Variants in RARB observed in about 807,000 individuals in gnomAD.
RARB encodes the protein HBV-activated protein.
A neutral mutation model predicts 51.9 loss-of-function variants in RARB; 17 were observed. That is an observed-to-expected ratio of 0.33 (90% CI 0.22 to 0.49). RARB has a LOEUF of 0.49. RARB is among the 20% of genes least tolerant of loss of function. The probability of loss-of-function intolerance (pLI) is 0.99; values close to 1 mark genes in which losing one functional copy is unlikely to be tolerated. For synonymous variants in RARB, 215 were observed against 195.4 expected (o/e 1.10, Z -0.84); for missense variants, 369 against 550.8 (o/e 0.67, Z 3.30).
In RARB at chr3:25,315,683, A is replaced by T. The variant is rs1704404504; in HGVS notation, c.178+141108A>T. ...GGCTGGAGTACAGTGCCGCAGTCTC[A>T]GCTCACTGCAACCTCTGCTTCCCGG... On this transcript the variant is annotated intron_variant, in intron 5 of 11. Coordinates refer to the RARB transcript ENST00000383772. Among the ~76,000 whole-genome samples, 2 of 152,128 alleles carry T rather than the reference A, an allele frequency of 1.3e-5. 1 individual carries two copies. Among genetic ancestry groups the T allele is most frequent in the South Asian group, 4.1e-4 (2 of 4,828 alleles).
At chr3:24,935,807 G>A (rs958350773) in intron 2 of RARB, among the ~76,000 whole-genome samples, 5 of 152,130 alleles carry the variant, frequency 3.3e-5, no homozygotes, top group African/African-American at 1.2e-4. Flanking sequence ...TAACTGAATT[G>A]CAACAACATG....
intron 2 of RARB, among the ~76,000 whole-genome samples, chr3:25,480,761 T>G (rs528683242): frequency 2.6e-5 from 4 of 152,182 alleles, no homozygotes; most frequent in Non-Finnish European, 5.9e-5. Context: ...GGCAGGTAAG[T>G]AAATAATGCA....
At position 25,429,095 on chromosome 3, in the gene RARB, C is replaced by T. The variant is rs78541681; in HGVS notation, c.157+207C>T. Among the ~76,000 whole-genome samples the T allele has an allele frequency of 0.028, 4,245 of 152,144 alleles. 183 individuals are homozygous for T. The highest frequency in any genetic ancestry group is 0.096 in the African/African-American group (3,972 of 41,476). ...TGTTTTCTTCCCAAATAACCCCTCC[C>T]GCCCCCATGCTCCTCTCCTTACCAA... is the stretch of plus-strand genomic sequence containing the variant. On this transcript the variant is annotated intron_variant, in intron 1 of 7. Transcript: ENST00000330688.
intron 3 of RARB, among the ~76,000 whole-genome samples, chr3:25,524,726 T>A (rs1200603751): frequency 6.6e-6 from 1 of 151,926 alleles, no homozygotes; most frequent in Non-Finnish European, 1.5e-5. Context: ...TATTTTTCTT[T>A]TTTATCATTA....
At chr3:25,539,061 G>A (rs180786833) in intron 3 of RARB, among the ~76,000 whole-genome samples, 3 of 152,282 alleles carry the variant, frequency 2.0e-5, no homozygotes, top group East Asian at 3.9e-4. Flanking sequence ...ACAGACAACC[G>A]TTAATGACAT....
intron 2 of RARB, among the ~76,000 whole-genome samples, chr3:24,976,942 G>A (rs978683784): frequency 1.3e-5 from 2 of 152,190 alleles, no homozygotes; most frequent in Non-Finnish European, 2.9e-5. Context: ...TTTGTGTAAG[G>A]TGTAAGTAAG....
intron 5 of RARB, among the ~76,000 whole-genome samples, chr3:25,343,354 T>TA (rs1467661986): frequency 2.6e-5 from 4 of 152,142 alleles, no homozygotes; most frequent in Admixed American, 6.6e-5. Context: ...ATTAAACACT[T>TA]ACAGTTTTCT....
intron 1 of RARB, among the ~76,000 whole-genome samples, chr3:24,857,949 G>T (rs1212174092): frequency 6.6e-6 from 1 of 152,070 alleles, no homozygotes; most frequent in Non-Finnish European, 1.5e-5. Flanking sequence ...AACCAAAAAG[G>T]AATATTTTGT....
At chr3:24,841,949 C>T (rs1702426031) in intron 1 of RARB, among the ~76,000 whole-genome samples, 1 of 152,118 alleles carries the variant, frequency 6.6e-6, no homozygotes, top group Non-Finnish European at 1.5e-5. Flanking sequence ...GAAATGCTCT[C>T]TTTTTAGTTT....
chr3:25,486,507 GTGAGCAAATACTTAC>G (rs1277196719), intron 2 of RARB, among the ~76,000 whole-genome samples: 1 of 152,196 alleles, frequency 6.6e-6, no homozygotes, highest in Non-Finnish European at 1.5e-5. Context: ...ACCCATCCAT[GTGAGCAAATACTTAC>G]TGAATGCCAG....
At chr3:25,118,281 T>C (rs1041555927) in intron 3 of RARB, among the ~76,000 whole-genome samples, 1 of 152,032 alleles carries the variant, frequency 6.6e-6, no homozygotes, top group Non-Finnish European at 1.5e-5. Flanking sequence ...GGAAAATCAA[T>C]GTTGTGGGGG....
intron 2 of RARB, among the ~76,000 whole-genome samples, chr3:24,995,675 G>A (rs1697005648): frequency 6.6e-6 from 1 of 152,032 alleles, no homozygotes; most frequent in Non-Finnish European, 1.5e-5. Flanking sequence ...TTTCTATCAT[G>A]AAGGGATGTT....
At chr3:25,110,614 T>C (rs1309856043) in intron 3 of RARB, among the ~76,000 whole-genome samples, 3 of 152,214 alleles carry the variant, frequency 2.0e-5, no homozygotes, top group Non-Finnish European at 2.9e-5. Flanking sequence ...TTTAGTTTAG[T>C]CCTGTAGCTA....
intron 2 of RARB, among the ~76,000 whole-genome samples, chr3:25,030,633 G>C (rs1027014014): frequency 1.3e-5 from 2 of 152,186 alleles, no homozygotes; most frequent in Non-Finnish European, 2.9e-5. Flanking sequence ...TTTTTGTAGA[G>C]CAGGAGTGCC....
chr3:25,049,585 T>A (rs937723158), intron 2 of RARB, among the ~76,000 whole-genome samples: 3 of 152,260 alleles, frequency 2.0e-5, no homozygotes, highest in Non-Finnish European at 2.9e-5. Flanking sequence ...TAGATGTATA[T>A]GTCTATACCA....
At chr3:25,139,022 T>C (rs1700072406) in intron 4 of RARB, among the ~76,000 whole-genome samples, 1 of 152,248 alleles carries the variant, frequency 6.6e-6, no homozygotes, top group Admixed American at 6.5e-5. Flanking sequence ...TTGTAATTGT[T>C]TGAGGGCACA....
chr3:25,391,782 G>C (rs1706967029), intron 5 of RARB, among the ~76,000 whole-genome samples: 1 of 151,980 alleles, frequency 6.6e-6, no homozygotes, highest in South Asian at 2.1e-4. Flanking sequence ...TGTAGATTCT[G>C]GACATTAGTC....
At chr3:24,840,854 A>G (rs1478542776) in intron 1 of RARB, among the ~76,000 whole-genome samples, 1 of 151,876 alleles carries the variant, frequency 6.6e-6, no homozygotes, top group African/African-American at 2.4e-5. Flanking sequence ...CTGGACATCT[A>G]TCCTTTTCCA....
At chr3:25,195,122 C>G (rs1331378244) in intron 5 of RARB, among the ~76,000 whole-genome samples, 1 of 151,988 alleles carries the variant, frequency 6.6e-6, no homozygotes, top group South Asian at 2.1e-4. Context: ...TACAAAAGGT[C>G]TTTATCATAC....
Sources: gnomAD v4.1 joint callset for allele counts (sites outside exome capture counted in the v4.1 genomes callset) on GRCh38, gnomAD v4.1.1 for gene constraint, MANE v1.5 for transcripts, NCBI Gene and HGNC (gene_info 2026-07-23, HGNC 2026-07-21) for gene names.